The following MSRB2 variants were observed in gnomAD, a reference collection of about 807,000 sequenced individuals.
MSRB2 encodes methionine-R-sulfoxide reductase B2, mitochondrial.
A neutral mutation model predicts 19.0 loss-of-function variants in MSRB2; 17 were observed. That is an observed-to-expected ratio of 0.89 (90% CI 0.61 to 1.34). The LOEUF (loss-of-function observed/expected upper bound fraction) is 1.34, where lower values mean the gene tolerates loss of function less well. Ranked by LOEUF, MSRB2 falls within the 40% of genes most tolerant of loss-of-function variation. The probability of loss-of-function intolerance (pLI) is 0.00; values close to 1 mark genes in which losing one functional copy is unlikely to be tolerated. For synonymous variants in MSRB2, 107 were observed against 99.7 expected, an observed-to-expected ratio of 1.07 and a Z score of -0.44; for missense variants, 208 against 237.6, an observed-to-expected ratio of 0.88 and a Z score of 0.82.
chr10:23,120,954 A>C lies in MSRB2; in HGVS notation c.*92A>C. On this transcript the variant is annotated 3_prime_UTR_variant, in exon 5 of 5. Transcript: ENST00000376510. ...GAATGACTTGTTTTATTTGCAATAA[A>C]ACTGGGCTGAATTTGCTGCTGTCTC... 3 of 985,926 alleles carry C rather than the reference A, an allele frequency of 3.0e-6. No homozygotes were observed. The highest frequency in any genetic ancestry group is 3.1e-6 in the Non-Finnish European group (2 of 652,334). 61.1% of individuals were successfully genotyped at this position (985,926 alleles called of 1,614,324 possible).
At chr10:23,118,330 GTTTTTTGTTTT>G (rs1415149000) in intron 3 of MSRB2, among the ~76,000 whole-genome samples, 5 of 86,644 alleles carry the variant, frequency 5.8e-5, no homozygotes, top group African/African-American at 2.4e-4. Flanking sequence ...TCTTAGATTA[GTTTTTTGTTTT>G]TTTTTTTTTT....
chr10:23,115,329 A>G (rs534967742), intron 3 of MSRB2, among the ~76,000 whole-genome samples: 44 of 152,340 alleles, frequency 2.9e-4, no homozygotes, highest in Non-Finnish European at 4.4e-4. Context: ...GTGGGATCAC[A>G]TATTTCATGA....
At chr10:23,098,682 T>C (rs1176482759) in intron 1 of MSRB2, among the ~76,000 whole-genome samples, 1 of 152,198 alleles carries the variant, frequency 6.6e-6, no homozygotes, top group Admixed American at 6.5e-5. Context: ...CCAGAAGACT[T>C]GACTCATTCC....
rs777483882 is a variant in MSRB2 at position 23,121,068 on chromosome 10, C to G, written c.*206C>G. ...GTTCTTGTGTTGCTATAAAGAAGTA[C>G]CTGATCAGGATCTGGGAGAATTTGA... On this transcript the variant is annotated 3_prime_UTR_variant, in exon 5 of 5. Coordinates refer to ENST00000376510, the MANE Select transcript of MSRB2 (RefSeq NM_012228.4). The G allele has an allele frequency of 2.2e-6, 1 of 455,678 alleles. No individual in the cohort carries two copies. The highest frequency in any genetic ancestry group is 3.9e-6 in the Non-Finnish European group (1 of 258,142). 28.2% of individuals were successfully genotyped at this position (455,678 alleles called of 1,614,324 possible). A position where few individuals can be genotyped will look rare whatever the true frequency, so the allele number is the denominator to read the frequency against.
intron 1 of MSRB2, among the ~76,000 whole-genome samples, chr10:23,103,292 G>A (rs971911744): frequency 1.3e-5 from 2 of 152,154 alleles, no homozygotes; most frequent in South Asian, 2.1e-4. Context: ...GGCATTCAAC[G>A]TTTCATCTTC....
intron 3 of MSRB2, among the ~76,000 whole-genome samples, chr10:23,118,130 G>A (rs1013777840): frequency 9.2e-5 from 14 of 151,938 alleles, no homozygotes; most frequent in African/African-American, 2.7e-4. Flanking sequence ...GTTGACATAC[G>A]TAACTCACAG....
At chr10:23,119,938 C>G (rs2131635645) in intron 4 of MSRB2, among the ~76,000 whole-genome samples, 1 of 152,342 alleles carries the variant, frequency 6.6e-6, no homozygotes, top group East Asian at 1.9e-4. Context: ...CGATCACTCT[C>G]TCCCTTCAAT....
At chr10:23,110,221 A>G (rs1222010807) in intron 2 of MSRB2, 21 bp from the exon 3 acceptor site, 2 of 1,594,020 alleles carry the variant, frequency 1.3e-6, no homozygotes, top group Non-Finnish European at 1.7e-6. Flanking sequence ...TCTGAACATG[A>G]CATATCTAAT....
In MSRB2 at chr10:23,121,617, G is replaced by A. The variant is rs372563599; in HGVS notation, c.*755G>A. ...ACCTGAGACGAGGGCATGACTCTGG[G>A]AACATCAGGAGGCTGATGGACTATT... On this transcript the variant is annotated 3_prime_UTR_variant, in exon 5 of 5. Coordinates refer to ENST00000376510, the MANE Select transcript of MSRB2 (RefSeq NM_012228.4). The A allele has an allele frequency of 2.0e-5, 3 of 152,348 alleles. No homozygotes were observed. Among genetic ancestry groups the A allele is most frequent in the African/African-American group, 7.2e-5 (3 of 41,560 alleles). The allele number at this position is 152,348 out of a possible 1,614,324, so 9.4% of individuals were successfully genotyped here. A position where few individuals can be genotyped will look rare whatever the true frequency, so the allele number is the denominator to read the frequency against.
At chr10:23,095,915 G>T (rs905195339) in intron 1 of MSRB2, among the ~76,000 whole-genome samples, 189 bp downstream of exon 1, 1 of 151,930 alleles carries the variant, frequency 6.6e-6, no homozygotes, top group African/African-American at 2.4e-5. Flanking sequence ...TGGCGGCAGG[G>T]TGGGGACTGA....
At chr10:23,104,537 G>A (rs1370418141) in intron 2 of MSRB2, among the ~76,000 whole-genome samples, 1 of 152,114 alleles carries the variant, frequency 6.6e-6, no homozygotes, top group Non-Finnish European at 1.5e-5. Context: ...CTCTGTGCAT[G>A]GCCATTCTTG....
At chr10:23,114,979 T>G (rs1840095419) in intron 3 of MSRB2, among the ~76,000 whole-genome samples, 1 of 152,104 alleles carries the variant, frequency 6.6e-6, no homozygotes, top group Non-Finnish European at 1.5e-5. Flanking sequence ...CCTCTGAGAG[T>G]GATCCCAGCC....
chr10:23,121,122 A>C lies in MSRB2; in HGVS notation c.*260A>C, dbSNP rs1840177307. 2.4e-6 allele frequency: 1 copy of C among 413,332 alleles called. No homozygotes were observed. The highest frequency in any genetic ancestry group is 2.0e-5 in the African/African-American group (1 of 48,904). 25.6% of individuals were successfully genotyped at this position (413,332 alleles called of 1,614,324 possible). A position where few individuals can be genotyped will look rare whatever the true frequency, so the allele number is the denominator to read the frequency against. On this transcript the variant is annotated 3_prime_UTR_variant, in exon 5 of 5. Transcript: ENST00000376510. ...AAAAAGAAAAACTAGAAAAATAAAC[A>C]AAATTAAAAAGAAAAAAAAATACCT...
At chr10:23,096,028 G>A (rs889096263) in intron 1 of MSRB2, among the ~76,000 whole-genome samples, 4 of 151,902 alleles carry the variant, frequency 2.6e-5, no homozygotes, top group Non-Finnish European at 5.9e-5. Context: ...GGGCTCGGGG[G>A]CCTCTGACCC....
chr10:23,107,693 C>T (rs1839998561), intron 2 of MSRB2, among the ~76,000 whole-genome samples: 1 of 152,196 alleles, frequency 6.6e-6, no homozygotes, highest in East Asian at 1.9e-4. Flanking sequence ...TCACGTGTGT[C>T]TTCCTCCCAC....
In MSRB2 at chr10:23,095,685, G is replaced by A; in HGVS notation, c.77G>A (p.Gly26Asp). 4 of 1,323,512 alleles carry A rather than the reference G, an allele frequency of 3.0e-6. No individual in the cohort carries two copies. The highest frequency in any genetic ancestry group is 3.8e-6 in the Non-Finnish European group (4 of 1,044,626). 82.0% of individuals were successfully genotyped at this position (1,323,512 alleles called of 1,614,324 possible). ...APRRAVRGQA[G>D]GGGPGTGPGL... ...CGGCGGGCGGTGCGGGGCCAAGCGG[G>A]CGGCGGCGGGCCCGGCACCGGGCCG... Residue 26 changes from glycine to aspartate, a missense_variant, in exon 1 of 5, where the codon GGC (glycine) becomes GAC (aspartate). By Grantham distance (94) the Gly-to-Asp change is moderately conservative. Coordinates refer to ENST00000376510, the MANE Select transcript of MSRB2 (RefSeq NM_012228.4).
chr10:23,114,993 G>A (rs1313211127), intron 3 of MSRB2, among the ~76,000 whole-genome samples: 1 of 152,164 alleles, frequency 6.6e-6, no homozygotes, highest in Non-Finnish European at 1.5e-5. Context: ...CCCAGCCAGT[G>A]TAACTCATGA....
At chr10:23,101,412 T>C (rs540327400) in intron 1 of MSRB2, among the ~76,000 whole-genome samples, 2 of 152,370 alleles carry the variant, frequency 1.3e-5, no homozygotes, top group African/African-American at 4.8e-5. Flanking sequence ...ACTAGTTGAT[T>C]GATGGGCATT....
chr10:23,118,520 C>A (rs1473208433), intron 3 of MSRB2, among the ~76,000 whole-genome samples: 1 of 151,868 alleles, frequency 6.6e-6, no homozygotes. Context: ...GCCTGCTGTC[C>A]TTCTCCTTGT....
Sources: allele counts gnomAD v4.1 joint callset (sites outside exome capture counted in the v4.1 genomes callset), GRCh38; gene constraint gnomAD v4.1.1; transcripts MANE v1.5; gene names NCBI Gene and HGNC (gene_info 2026-07-23, HGNC 2026-07-21).